The following PALM2AKAP2 variants were observed in gnomAD, a reference collection of about 807,000 sequenced individuals.
The protein encoded by PALM2AKAP2 is PALM2-AKAP2 fusion protein.
PALM2AKAP2 carries 37 observed loss-of-function variants against 71.5 expected under a neutral mutation model. That is an observed-to-expected ratio of 0.52 (90% confidence interval 0.40 to 0.68). PALM2AKAP2 has a LOEUF of 0.68. Among genes scored for constraint, PALM2AKAP2 ranks in the 30% least tolerant of loss-of-function variants. The pLI is 0.00. For synonymous variants in PALM2AKAP2, 468 were observed against 478.8 expected (o/e 0.98, Z 0.29); for missense variants, 1,224 against 1,191.8 (o/e 1.03, Z -0.40).
chr9:109,886,846 C>T (rs888051049), intron 3 of PALM2AKAP2, among the ~76,000 whole-genome samples: 1 of 152,170 alleles, frequency 6.6e-6, no homozygotes, highest in African/African-American at 2.4e-5. Context: ...TCTCAAAAAA[C>T]TAAAGGCTAG....
Position 109,720,622 on chromosome 9 carries a change from G to A in PALM2AKAP2, c.6-59866G>A, listed in dbSNP as rs554407611. Among the ~76,000 whole-genome samples, 12 of 152,294 alleles carry A rather than the reference G, an allele frequency of 7.9e-5. No individual in the cohort carries two copies. In the East Asian group the frequency reaches 2.3e-3, roughly 29 times the overall value. ...ATATTTAAGGAGCTGGCAAAGAGAA[G>A]GAGCTAGCAAAATCTATAGGGTTCA... On this transcript the variant is annotated intron_variant, in intron 1 of 6. Coordinates refer to the PALM2AKAP2 transcript ENST00000374531.
In PALM2AKAP2 at chr9:110,137,680, G is replaced by A. The variant is rs772018791; in HGVS notation, c.1710G>A (p.Arg570=). The change falls in exon 2 of 4, where the codon AGG becomes AGA. Residue 570 remains arginine (R), a synonymous_variant. Coordinates refer to ENST00000374525, the Ensembl canonical transcript of PALM2AKAP2. ...CTGGTCTGGACGAATTGTCGGTGAG[G>A]TCTCAGGATACCACAGTCCTGGAGA... The A allele has an allele frequency of 3.7e-6, 6 of 1,613,898 alleles. No homozygotes were observed. The Admixed American group carries it at 1.0e-4, about 27-fold the overall frequency.
chr9:110,121,094 C>T (rs564908623), intron 1 of PALM2AKAP2, among the ~76,000 whole-genome samples: 1 of 152,194 alleles, frequency 6.6e-6, no homozygotes, highest in South Asian at 2.1e-4. Flanking sequence ...GTTCTTTAAG[C>T]CTTTCTAAAG....
At chr9:110,050,074 A>G (rs1473513667) in intron 1 of PALM2AKAP2, among the ~76,000 whole-genome samples, 1 of 152,138 alleles carries the variant, frequency 6.6e-6, no homozygotes, top group Non-Finnish European at 1.5e-5. Flanking sequence ...ACATATCACT[A>G]CCCTTCCCCG....
intron 1 of PALM2AKAP2, among the ~76,000 whole-genome samples, chr9:109,719,055 A>C (rs1587880767): frequency 1.3e-5 from 2 of 152,240 alleles, no homozygotes; most frequent in South Asian, 4.1e-4. Context: ...ATTCAAGGCC[A>C]AACTCTGGAA....
intron 1 of PALM2AKAP2, among the ~76,000 whole-genome samples, chr9:109,851,175 T>TCAACAACAACAA (rs1363599182): frequency 1.5e-5 from 2 of 130,134 alleles, no homozygotes; most frequent in Non-Finnish European, 3.1e-5. Context: ...AGACTCCGTC[T>TCAACAACAACAA]CAACAACAAC....
chr9:109,956,113 T>G lies in PALM2AKAP2; in HGVS notation c.496+24085T>G, dbSNP rs184231899. Among the ~76,000 whole-genome samples the G allele has an allele frequency of 9.2e-5, 14 of 151,770 alleles. No individual in the cohort carries two copies. The East Asian group carries it at 2.7e-3, about 30-fold the overall frequency. On this transcript the variant is annotated intron_variant, in intron 6 of 9. Transcript: ENST00000302798. Reference sequence around the variant, plus strand: ...TCCGCCTCCCAGGTTCAAGCGATTCTCTTGCCTTGGCCTCTCTAGTAGCTG... The same window carrying G: ...TCCGCCTCCCAGGTTCAAGCGATTCGCTTGCCTTGGCCTCTCTAGTAGCTG...
At chr9:109,680,130 T>C (rs1236798683) in intron 1 of PALM2AKAP2, among the ~76,000 whole-genome samples, 1 of 152,258 alleles carries the variant, frequency 6.6e-6, no homozygotes, top group South Asian at 2.1e-4. Flanking sequence ...CACCAAGATA[T>C]CCAGGTGCCT....
At chr9:109,856,871 T>A (rs1829181931) in intron 1 of PALM2AKAP2, among the ~76,000 whole-genome samples, 1 of 152,252 alleles carries the variant, frequency 6.6e-6, no homozygotes, top group African/African-American at 2.4e-5. Context: ...TTTGCGTTCC[T>A]TTGTTGTCAT....
chr9:109,801,963 C>G (rs1827443250), intron 1 of PALM2AKAP2, among the ~76,000 whole-genome samples: 1 of 152,138 alleles, frequency 6.6e-6, no homozygotes, highest in South Asian at 2.1e-4. Context: ...AGATCAAGTT[C>G]CTGATGAATG....
Position 109,913,399 on chromosome 9 carries a change from T to G in PALM2AKAP2, c.258-10336T>G, listed in dbSNP as rs191996309. The stretch of plus-strand genomic sequence containing the variant: ...AGCGCACCAAAGAGATGCTAAGACA[T>G]GGGTGATTATAATTGTGCAAGGAGT... On this transcript the variant is annotated intron_variant, in intron 3 of 9. Transcript: ENST00000302798. Among the ~76,000 whole-genome samples, 60 of 152,184 alleles carry G rather than the reference T, an allele frequency of 3.9e-4. No individual in the cohort carries two copies. In the East Asian group the frequency reaches 8.3e-3, roughly 21 times the overall value.
intron 1 of PALM2AKAP2, among the ~76,000 whole-genome samples, chr9:109,668,554 T>C (rs865915282): frequency 3.3e-5 from 5 of 152,326 alleles, no homozygotes; most frequent in Non-Finnish European, 5.9e-5. Flanking sequence ...ATAGATTGTG[T>C]GTCTGGGCAA....
At chr9:109,708,599 T>C (rs1242763275) in intron 1 of PALM2AKAP2, among the ~76,000 whole-genome samples, 2 of 152,218 alleles carry the variant, frequency 1.3e-5, no homozygotes, top group African/African-American at 4.8e-5. Context: ...GATTTTTATT[T>C]AGAAGCTGAG....
At chr9:110,058,512 A>T (rs1296855376) in intron 1 of PALM2AKAP2, among the ~76,000 whole-genome samples, 1 of 152,100 alleles carries the variant, frequency 6.6e-6, no homozygotes, top group Non-Finnish European at 1.5e-5. Flanking sequence ...TCCGTTCTCA[A>T]GCAGGATATG....
At chr9:110,032,825 C>A (rs951018782) in intron 7 of PALM2AKAP2, among the ~76,000 whole-genome samples, 3 of 151,652 alleles carry the variant, frequency 2.0e-5, no homozygotes, top group African/African-American at 7.3e-5. Flanking sequence ...GTCGTCTCAG[C>A]TACTCAGGAG....
intron 6 of PALM2AKAP2, among the ~76,000 whole-genome samples, chr9:109,949,022 T>G (rs1831575580): frequency 6.6e-6 from 1 of 152,228 alleles, no homozygotes; most frequent in Non-Finnish European, 1.5e-5. Flanking sequence ...TCCCCACTCC[T>G]ACCCAGCCTT....
At chr9:109,967,568 C>T (rs1473668433) in intron 6 of PALM2AKAP2, among the ~76,000 whole-genome samples, 1 of 152,166 alleles carries the variant, frequency 6.6e-6, no homozygotes, top group Non-Finnish European at 1.5e-5. Context: ...CGCCACCACA[C>T]CCAGCTAATT....
chr9:110,026,154 A>G (rs557085543), intron 7 of PALM2AKAP2, among the ~76,000 whole-genome samples: 1 of 152,070 alleles, frequency 6.6e-6, no homozygotes, highest in African/African-American at 2.4e-5. Context: ...ATCATGGCTT[A>G]CTGCAGCCTC....
chr9:109,984,912 C>T (rs1396878925), intron 6 of PALM2AKAP2, among the ~76,000 whole-genome samples: 1 of 151,448 alleles, frequency 6.6e-6, no homozygotes, highest in East Asian at 1.9e-4. Flanking sequence ...TGGTGGCTCA[C>T]GCCTGTAATC....
Sources: gnomAD v4.1 joint callset for allele counts (sites outside exome capture counted in the v4.1 genomes callset) on GRCh38, gnomAD v4.1.1 for gene constraint, MANE v1.5 for transcripts, NCBI Gene and HGNC (gene_info 2026-07-23, HGNC 2026-07-21) for gene names.